Variants in ODAM observed in about 807,000 individuals in gnomAD.
The protein encoded by ODAM is odontogenic, ameloblast associated, also known as odontogenic ameloblast-associated protein.
Under a neutral mutation model 48.5 loss-of-function variants are expected in ODAM, and 55 were observed. That is an observed-to-expected ratio of 1.13 (90% confidence interval 0.91 to 1.42). The LOEUF is 1.42. ODAM is among the 40% of genes most tolerant of loss of function. ODAM has a pLI of 0.00. For missense variants in ODAM, 353 were observed against 323.6 expected (o/e 1.09, Z -0.70); for synonymous variants, 127 against 107.8 (o/e 1.18, Z -1.10).
intron 9 of ODAM, 21 bp from the exon 10 acceptor site, chr4:70,202,735 T>A: frequency 6.3e-7 from 1 of 1,586,442 alleles, no homozygotes; most frequent in Non-Finnish European, 8.6e-7. Flanking sequence ...ACAACTTTGT[T>A]TTCATTCTCA....
At chr4:70,203,058 A>G in intron 10 of ODAM, 98 bp from the exon 11 acceptor site, 3 of 1,312,314 alleles carry the variant, frequency 2.3e-6, no homozygotes, top group Non-Finnish European at 3.3e-6. Context: ...TTAACTCTGA[A>G]TAAGGTGGCC....
chr4:70,197,161 C>G, intron 3 of ODAM, 113 bp from the exon 4 acceptor site: 1 of 640,826 alleles, frequency 1.6e-6, no homozygotes, highest in Non-Finnish European at 2.8e-6. Context: ...TGTCCCACTT[C>G]TAACAAGAAA....
chr4:70,198,680 A>G (rs190084785), intron 6 of ODAM, 54 bp downstream of exon 6: 30 of 1,368,416 alleles, frequency 2.2e-5, no homozygotes, highest in Middle Eastern at 1.8e-4. Context: ...ACTCTCCACA[A>G]TGCTTTCTAT....
chr4:70,202,389 A>T lies in ODAM; in HGVS notation c.648+60A>T, dbSNP rs1375968741. 4.0e-6 allele frequency: 5 copies of T among 1,256,614 alleles called. No homozygotes were observed. In the East Asian group the frequency reaches 9.3e-5, roughly 23 times the overall value. The allele number at this position is 1,256,614 out of a possible 1,614,324, so 77.8% of individuals were successfully genotyped here. A position where few individuals can be genotyped will look rare whatever the true frequency, so the allele number is the denominator to read the frequency against. On this transcript the variant is annotated intron_variant, in intron 9 of 11. Coordinates refer to ENST00000683306, the MANE Select transcript of ODAM (RefSeq NM_017855.4). ...AAATCAACAATTGACAACTTACTGCACTAATGTTCATTTTAATATCAACTC... is the reference window on the plus strand; with the variant it reads ...AAATCAACAATTGACAACTTACTGCTCTAATGTTCATTTTAATATCAACTC...
chr4:70,201,076 AATTCAGGTGGCTCATAT>A (rs1461345842), intron 7 of ODAM, among the ~76,000 whole-genome samples: 1 of 151,942 alleles, frequency 6.6e-6, no homozygotes, highest in African/African-American at 2.4e-5. Flanking sequence ...TTCTAACATA[AATTCAGGTGGCTCATAT>A]ATTATTAACA....
chr4:70,202,446 T>C (rs1357216864), intron 9 of ODAM, 117 bp downstream of exon 9: 5 of 876,944 alleles, frequency 5.7e-6, no homozygotes, highest in Admixed American at 2.1e-5. Context: ...TTTTGCTTCT[T>C]CTTCTTCTTA....
At chr4:70,197,188 G>T in intron 3 of ODAM, 86 bp from the exon 4 acceptor site, 1 of 720,378 alleles carries the variant, frequency 1.4e-6, no homozygotes, top group South Asian at 1.6e-5. Context: ...AACCAGCTAT[G>T]ACTTGTGCTA....
intron 3 of ODAM, 26 bp downstream of exon 3, chr4:70,196,759 T>A: frequency 6.4e-7 from 1 of 1,568,104 alleles, no homozygotes; most frequent in African/African-American, 1.4e-5. Flanking sequence ...TAAAACAATC[T>A]CCTCCTTTTT....
intron 2 of ODAM, 21 bp downstream of exon 2, chr4:70,196,615 A>G: frequency 1.3e-6 from 2 of 1,590,380 alleles, no homozygotes; most frequent in Non-Finnish European, 1.7e-6. Flanking sequence ...TTATGGCACT[A>G]CTAGTCCCAC....
intron 6 of ODAM, chr4:70,200,093 T>C: frequency 2.2e-6 from 1 of 447,450 alleles, no homozygotes; most frequent in South Asian, 1.6e-5. Context: ...ATTTCATTTA[T>C]TATGGCAGAA....
At position 70,203,208 on chromosome 4, in the gene ODAM, C is replaced by A. The variant is rs115779337; in HGVS notation, c.*23C>A. 3,340 of 1,578,818 alleles carry A rather than the reference C, an allele frequency of 2.1e-3. 56 individuals are homozygous for A. In the African/African-American group the frequency reaches 0.041, roughly 19 times the overall value. On this transcript the variant is annotated 3_prime_UTR_variant, in exon 11 of 12. Coordinates refer to ENST00000683306, the MANE Select transcript of ODAM (RefSeq NM_017855.4). ...TAAGAAGTTGCCCTGATCATTCAGA[C>A]ATTTTGGTAGGTATTTGCCAAAGTC...
chr4:70,199,905 A>G (rs886752562), intron 6 of ODAM, among the ~76,000 whole-genome samples: 1 of 152,064 alleles, frequency 6.6e-6, no homozygotes, highest in Non-Finnish European at 1.5e-5. Context: ...ATAAACAGAC[A>G]CAGACATATA....
intron 5 of ODAM, 97 bp from the exon 6 acceptor site, chr4:70,198,482 G>A: frequency 1.0e-6 from 1 of 955,636 alleles, no homozygotes; most frequent in South Asian, 1.6e-5. Context: ...TTAACACAAA[G>A]GATAAATTTA....
At chr4:70,197,143 T>G (rs1729384451) in intron 3 of ODAM, 131 bp from the exon 4 acceptor site, 2 of 620,620 alleles carry the variant, frequency 3.2e-6, no homozygotes, top group Non-Finnish European at 5.8e-6. Flanking sequence ...GTAAGCCTAG[T>G]GAGAAAATGT....
At chr4:70,197,715 G>A in intron 4 of ODAM, 1 of 591,916 alleles carries the variant, frequency 1.7e-6, no homozygotes, top group South Asian at 2.1e-5. Context: ...ACCTTATCCT[G>A]CCCCATATTT....
chr4:70,200,661 TATA>T, intron 7 of ODAM, 60 bp downstream of exon 7: 1 of 1,103,844 alleles, frequency 9.1e-7, no homozygotes, highest in South Asian at 1.4e-5. Context: ...GAAAATAAGG[TATA>T]TTACCATAGA....
intron 1 of ODAM, among the ~76,000 whole-genome samples, chr4:70,196,061 T>C (rs1405481111): frequency 6.6e-6 from 1 of 152,038 alleles, no homozygotes; most frequent in African/African-American, 2.4e-5. Flanking sequence ...GTTATTAGAC[T>C]ACTAAGTGGA....
chr4:70,200,117 A>G (rs1024405575), intron 6 of ODAM: 4 of 447,502 alleles, frequency 8.9e-6, no homozygotes, highest in Admixed American at 2.5e-5. Context: ...CTAATACCAC[A>G]TTCTGCAGAA....
intron 5 of ODAM, 78 bp from the exon 6 acceptor site, chr4:70,198,501 G>A (rs1165331402): frequency 9.0e-7 from 1 of 1,113,748 alleles, no homozygotes; most frequent in Admixed American, 2.3e-5. Flanking sequence ...TATATGGCTA[G>A]CTCTAGGAAA....
Sources: allele counts gnomAD v4.1 joint callset (sites outside exome capture counted in the v4.1 genomes callset), GRCh38; gene constraint gnomAD v4.1.1; transcripts MANE v1.5; gene names NCBI Gene and HGNC (gene_info 2026-07-23, HGNC 2026-07-21).